IPO11: variants seen among roughly 807,000 people sequenced by gnomAD.
IPO11 encodes the protein importin-11.
In IPO11, 66 loss-of-function variants were observed where a neutral mutation model predicts 143.2. The ratio of observed to expected loss-of-function variants is 0.46; its 90% CI spans 0.38 to 0.57. The LOEUF is 0.57. IPO11 is among the 20% of genes least tolerant of loss of function. The probability of loss-of-function intolerance (pLI) is 0.00; values close to 1 mark genes in which losing one functional copy is unlikely to be tolerated. For missense variants in IPO11, 1,026 were observed against 1,141.0 expected, an observed-to-expected ratio of 0.90 and a Z score of 1.45; for synonymous variants, 385 against 377.8, an observed-to-expected ratio of 1.02 and a Z score of -0.22.
chr5:62,484,244 A>G (rs1342606409), intron 11 of IPO11, 82 bp downstream of exon 11: 9 of 1,110,410 alleles, frequency 8.1e-6, no homozygotes, highest in Admixed American at 3.1e-5. Context: ...ATAATATTGT[A>G]TTTTCATACA....
At chr5:62,596,428 A>C (rs2112436732) in intron 28 of IPO11, among the ~76,000 whole-genome samples, 1 of 152,280 alleles carries the variant, frequency 6.6e-6, no homozygotes, top group African/African-American at 2.4e-5. Flanking sequence ...TAGTCAGTGG[A>C]GGTCCACTGG....
rs1743384659 is a variant in IPO11 at position 62,551,347 on chromosome 5, A to G, written c.2460+11A>G. The G allele has an allele frequency of 7.8e-7, 1 of 1,278,680 alleles. No individual in the cohort carries two copies. Among genetic ancestry groups the G allele is most frequent in the South Asian group, 1.2e-5 (1 of 82,714 alleles). The allele number at this position is 1,278,680 out of a possible 1,614,324, so 79.2% of individuals were successfully genotyped here. On this transcript the variant is annotated intron_variant, in intron 26 of 29. Coordinates refer to ENST00000325324, the MANE Select transcript of IPO11 (RefSeq NM_016338.5). Reference sequence around the variant, plus strand: ...AAATTTAATCAGGAGGTAAGAATCAATATACTTAAATTTAAGGAAGTCTTT... The same window carrying G: ...AAATTTAATCAGGAGGTAAGAATCAGTATACTTAAATTTAAGGAAGTCTTT...
intron 27 of IPO11, among the ~76,000 whole-genome samples, chr5:62,589,680 C>T (rs1471352362): frequency 6.6e-6 from 1 of 152,114 alleles, no homozygotes; most frequent in Non-Finnish European, 1.5e-5. Context: ...TTTTACTGCC[C>T]TGGGCAATAA....
At chr5:62,457,773 T>C (rs1745214986) in intron 5 of IPO11, among the ~76,000 whole-genome samples, 1 of 152,148 alleles carries the variant, frequency 6.6e-6, no homozygotes, top group Non-Finnish European at 1.5e-5. Flanking sequence ...TTATGAATGC[T>C]AAATTTGAGA....
intron 1 of IPO11, among the ~76,000 whole-genome samples, chr5:62,433,435 T>C (rs759349918): frequency 2.6e-5 from 4 of 152,196 alleles, no homozygotes; most frequent in Non-Finnish European, 4.4e-5. Context: ...GTGGGAGATA[T>C]ACTCTGGGCG....
chr5:62,543,390 A>G (rs1453295871), intron 24 of IPO11, among the ~76,000 whole-genome samples: 1 of 152,180 alleles, frequency 6.6e-6, no homozygotes, highest in Admixed American at 6.5e-5. Context: ...TCAGGGATTC[A>G]ACTTCTTCCT....
At chr5:62,440,549 G>T (rs1316002966) in intron 2 of IPO11, among the ~76,000 whole-genome samples, 1 of 151,906 alleles carries the variant, frequency 6.6e-6, no homozygotes, top group African/African-American at 2.4e-5. Flanking sequence ...TAGAGACAGG[G>T]TTTCACCATG....
intron 13 of IPO11, 73 bp from the exon 14 acceptor site, chr5:62,489,229 T>A: frequency 2.4e-6 from 2 of 828,150 alleles, no homozygotes; most frequent in Non-Finnish European, 3.6e-6. Context: ...ACAAATTGTG[T>A]TTAAATATAA....
At chr5:62,514,461 G>A (rs1467816559) in intron 19 of IPO11, among the ~76,000 whole-genome samples, 1 of 151,920 alleles carries the variant, frequency 6.6e-6, no homozygotes, top group South Asian at 2.1e-4. Flanking sequence ...GCGTGGCGGC[G>A]CACGCCTGCA....
intron 28 of IPO11, among the ~76,000 whole-genome samples, chr5:62,597,012 T>A (rs563984326): frequency 3.9e-5 from 6 of 152,240 alleles, no homozygotes; most frequent in Non-Finnish European, 8.8e-5. Flanking sequence ...ATAGGAAGAA[T>A]TCATTCCATC....
intron 23 of IPO11, 127 bp downstream of exon 23, chr5:62,536,908 CT>C (rs1742754454): frequency 1.9e-6 from 2 of 1,073,728 alleles, no homozygotes; most frequent in Admixed American, 3.8e-5. Flanking sequence ...GAAACATTGA[CT>C]GTGAGCATTT....
rs534789724 is a variant in IPO11 at position 62,558,984 on chromosome 5, G to T, written c.2461-2152G>T. 1.5e-4 allele frequency among the ~76,000 whole-genome samples: 23 copies of T among 152,216 alleles called. No homozygotes were observed. The East Asian group carries it at 4.4e-3, about 29-fold the overall frequency. On this transcript the variant is annotated intron_variant, in intron 26 of 29. Transcript: ENST00000325324. ...CACTATACTGTAGTATATTAATAGT[G>T]CACAATGGTATTATGTCTAAAGTAA...
intron 27 of IPO11, among the ~76,000 whole-genome samples, chr5:62,586,022 C>T (rs1744757568): frequency 6.6e-6 from 1 of 152,032 alleles, no homozygotes; most frequent in Non-Finnish European, 1.5e-5. Context: ...TGGGGAGGCA[C>T]TCATAAGTTT....
intron 9 of IPO11, among the ~76,000 whole-genome samples, chr5:62,481,261 T>C (rs1746200934): frequency 6.6e-6 from 1 of 152,144 alleles, no homozygotes; most frequent in Non-Finnish European, 1.5e-5. Flanking sequence ...TTCTTTCTCT[T>C]GCCTGATTGC....
chr5:62,464,861 C>T lies in IPO11; in HGVS notation c.517-2270C>T, dbSNP rs562799088. 2.5e-4 allele frequency among the ~76,000 whole-genome samples: 38 copies of T among 152,284 alleles called. 1 individual carries two copies. The South Asian group carries it at 2.9e-3, about 12-fold the overall frequency. ...TAAAGTCCTTTTAAACAATTTTAAT[C>T]TATACAGACATTAATGTTAACAGGT... On this transcript the variant is annotated intron_variant, in intron 5 of 29. Transcript: ENST00000325324.
chr5:62,559,428 A>G (rs1410577855), intron 26 of IPO11, among the ~76,000 whole-genome samples: 1 of 152,062 alleles, frequency 6.6e-6, no homozygotes, highest in Non-Finnish European at 1.5e-5. Context: ...GGTCCTCAGT[A>G]GAATTTCTGT....
chr5:62,504,817 T>C (rs1399686586), intron 17 of IPO11, 41 bp from the exon 18 acceptor site: 1 of 1,419,708 alleles, frequency 7.0e-7, no homozygotes, highest in Non-Finnish European at 9.7e-7. Flanking sequence ...TTTATTTTGA[T>C]AAAACTTATA....
At chr5:62,532,338 TTGG>T (rs1742578282) in intron 22 of IPO11, among the ~76,000 whole-genome samples, 3 of 152,110 alleles carry the variant, frequency 2.0e-5, no homozygotes, top group South Asian at 2.1e-4. Context: ...GTTTTTTTTG[TTGG>T]TGGTGGTTCG....
Position 62,628,512 on chromosome 5 carries a change from A to G in IPO11, c.*1194A>G, listed in dbSNP as rs1191577722. ...TTGTAAGCTGTGGAACCCAAACTGT[A>G]TGGGGATATTTGATGTTTTCAGAAA... is the stretch of plus-strand genomic sequence containing the variant. On this transcript the variant is annotated 3_prime_UTR_variant, in exon 30 of 30. Transcript: ENST00000325324. The G allele has an allele frequency of 1.3e-5, 2 of 152,636 alleles. No individual in the cohort carries two copies. The highest frequency in any genetic ancestry group is 2.9e-5 in the Non-Finnish European group (2 of 68,034). 9.5% of individuals were successfully genotyped at this position (152,636 alleles called of 1,614,324 possible). A position where few individuals can be genotyped will look rare whatever the true frequency, so the allele number is the denominator to read the frequency against.
Sources: gnomAD v4.1 joint callset for allele counts (sites outside exome capture counted in the v4.1 genomes callset) on GRCh38, gnomAD v4.1.1 for gene constraint, MANE v1.5 for transcripts, NCBI Gene and HGNC (gene_info 2026-07-23, HGNC 2026-07-21) for gene names.